SHANK2: variants seen among roughly 807,000 people sequenced by gnomAD.
SHANK2 encodes the protein SH3 and multiple ankyrin repeat domains protein 2.
In SHANK2, 43 loss-of-function variants were observed where a neutral mutation model predicts 133.7. The observed-to-expected ratio is 0.32, with a 90% confidence interval of 0.25 to 0.41. The LOEUF is 0.41. Ranked by LOEUF, SHANK2 falls within the 10% of genes least tolerant of loss-of-function variation. The pLI is 1.00. For missense variants in SHANK2, 1,994 were observed against 2,235.8 expected, an observed-to-expected ratio of 0.89 and a Z score of 2.18; for synonymous variants, 1,017 against 952.8, an observed-to-expected ratio of 1.07 and a Z score of -1.24.
At chr11:70,865,256 CTCTAAGGAGAGACTCAACT>C (rs1240386574) in intron 11 of SHANK2, 1 of 152,150 alleles carries the variant, frequency 6.6e-6, no homozygotes, top group Non-Finnish European at 1.5e-5. Context: ...CCACCACAGG[CTCTAAGGAGAGACTCAACT>C]TCTAGGGTCT....
intron 13 of SHANK2, among the ~76,000 whole-genome samples, chr11:70,806,433 G>A (rs188621779): frequency 1.1e-3 from 167 of 152,288 alleles, no homozygotes; most frequent in African/African-American, 3.9e-3. Context: ...ACTTCCCCCT[G>A]GGCAGAAACC....
intron 17 of SHANK2, among the ~76,000 whole-genome samples, chr11:70,632,545 C>T (rs2061008441): frequency 6.6e-6 from 1 of 152,102 alleles, no homozygotes; most frequent in African/African-American, 2.4e-5. Context: ...TGATAACAAT[C>T]CAAATTGTGA....
intron 14 of SHANK2, among the ~76,000 whole-genome samples, chr11:70,707,123 G>C (rs1412818890): frequency 2.0e-5 from 3 of 152,092 alleles, no homozygotes; most frequent in Non-Finnish European, 4.4e-5. Flanking sequence ...TGTAATCCTA[G>C]TACTTTGGGA....
chr11:70,713,662 T>TGTCACAGCGCCGGGTGTCC (rs1456349602), intron 14 of SHANK2, among the ~76,000 whole-genome samples: 4 of 152,148 alleles, frequency 2.6e-5, no homozygotes, highest in Admixed American at 1.3e-4. Context: ...GCGGCAGAGC[T>TGTCACAGCGCCGGGTGTCC]GTCACAGCGC....
Position 70,583,097 on chromosome 11 carries a change from GC to G in SHANK2, c.2061+76730del, listed in dbSNP as rs1554985863. ...TGGGGGAGAATCTGCATGGTGCCTG[GC>G]CCTGGGGCAGGGGCACTGGGCTGTG... On this transcript the variant is annotated intron_variant, in intron 17 of 25. Transcript: ENST00000601538. 5.9e-5 allele frequency among the ~76,000 whole-genome samples: 9 copies of G among 152,294 alleles called. 1 individual carries two copies. The highest frequency in any genetic ancestry group is 3.9e-4 in the Admixed American group (6 of 15,302).
rs2058899823 is a variant in SHANK2, at chr11:70,492,356, G to A, written c.2418C>T (p.Phe806=). 10 of 1,612,402 alleles carry A rather than the reference G, an allele frequency of 6.2e-6. No homozygotes were observed. The highest frequency in any genetic ancestry group is 8.5e-6 in the Non-Finnish European group (10 of 1,180,006). The change falls in exon 22 of 26, where the codon TTC becomes TTT. Residue 806 remains phenylalanine (F), a synonymous_variant. Transcript: ENST00000601538. ...TCACGTTCATGTCTGAGCCCGCCGGGAAGCACCGGCTGCTGGGCCGCTGCT... is the reference window on the plus strand; with the variant it reads ...TCACGTTCATGTCTGAGCCCGCCGGAAAGCACCGGCTGCTGGGCCGCTGCT... The part of the protein sequence containing the change: ...TIKQRPSSRC[F]PAGSDMNSVY...
chr11:70,836,972 G>GCTGT (rs1948828513), intron 11 of SHANK2, among the ~76,000 whole-genome samples: 1 of 152,150 alleles, frequency 6.6e-6, no homozygotes, highest in Admixed American at 6.5e-5. Context: ...AGAGTTGGTC[G>GCTGT]CTGTCTGTCT....
chr11:70,494,689 G>A (rs1428982047), intron 21 of SHANK2, among the ~76,000 whole-genome samples: 1 of 152,200 alleles, frequency 6.6e-6, no homozygotes, highest in Admixed American at 6.5e-5. Flanking sequence ...ACTTACCATG[G>A]GGCCCTTCAG....
At chr11:70,775,217 A>G (rs1555043666) in intron 14 of SHANK2, among the ~76,000 whole-genome samples, 1 of 152,144 alleles carries the variant, frequency 6.6e-6, no homozygotes, top group African/African-American at 2.4e-5. Context: ...CAGCATTTTG[A>G]GAGGCCGAGG....
At chr11:70,931,721 A>G (rs1295701249) in intron 10 of SHANK2, among the ~76,000 whole-genome samples, 1 of 152,244 alleles carries the variant, frequency 6.6e-6, no homozygotes, top group African/African-American at 2.4e-5. Context: ...AGTGGCACAC[A>G]GGGCAACAGC....
intron 6 of SHANK2, among the ~76,000 whole-genome samples, 169 bp from the exon 7 acceptor site, chr11:71,094,857 G>A (rs1463761587): frequency 6.6e-6 from 1 of 152,240 alleles, no homozygotes; most frequent in Admixed American, 6.5e-5. Flanking sequence ...CGGGCAGCGT[G>A]GCTCAGGCAC....
rs1555113428 is a variant in SHANK2 at position 71,178,970 on chromosome 11, GAGACTTCGT to G, written c.-12-31641_-12-31633del. On this transcript the variant is annotated intron_variant, in intron 2 of 25. Transcript: ENST00000601538. ...TGCACTCCAGCCTGGGTGACAGAAT[GAGACTTCGT>G]CTGAAGTGAATGAATGAATGAATAA... 7.6e-3 allele frequency among the ~76,000 whole-genome samples: 1,155 copies of G among 152,294 alleles called. 16 individuals carry two copies. Among genetic ancestry groups the G allele is most frequent in the African/African-American group, 0.026 (1,101 of 41,558 alleles).
chr11:71,164,645 G>C (rs782153151), intron 2 of SHANK2, among the ~76,000 whole-genome samples: 6 of 152,212 alleles, frequency 3.9e-5, no homozygotes, highest in Admixed American at 2.0e-4. Context: ...TCTATGGAGC[G>C]ATGAAATGTC....
rs1490708862 is a variant in SHANK2, at chr11:70,520,053, T to C, written c.2062-17122A>G. On this transcript the variant is annotated intron_variant, in intron 17 of 25. Coordinates refer to ENST00000601538, the MANE Select transcript of SHANK2 (RefSeq NM_012309.5). ...GTAAGCCACCACGCCTGGTCTAGTC[T>C]TTGTTTTTAAACAAATCTTTTATTT... Among the ~76,000 whole-genome samples, 3 of 152,148 alleles carry C rather than the reference T, an allele frequency of 2.0e-5. No individual in the cohort carries two copies. The South Asian group carries it at 6.2e-4, about 32-fold the overall frequency.
At chr11:71,088,801 C>T (rs1198024997) in intron 8 of SHANK2, among the ~76,000 whole-genome samples, 1 of 148,944 alleles carries the variant, frequency 6.7e-6, no homozygotes, top group Non-Finnish European at 1.5e-5. Flanking sequence ...TGCACCACCC[C>T]ACCAGGGGCT....
At chr11:70,595,467 C>G (rs2060386867) in intron 17 of SHANK2, among the ~76,000 whole-genome samples, 1 of 152,236 alleles carries the variant, frequency 6.6e-6, no homozygotes, top group Non-Finnish European at 1.5e-5. Context: ...CTATGAGGCT[C>G]ACCCAGCTTG....
chr11:70,846,778 A>G (rs1949003515), intron 11 of SHANK2, among the ~76,000 whole-genome samples: 1 of 152,198 alleles, frequency 6.6e-6, no homozygotes, highest in Admixed American at 6.5e-5. Flanking sequence ...GTTCCAATGT[A>G]AAGCACCACA....
chr11:71,193,727 C>G (rs918499179), intron 2 of SHANK2, among the ~76,000 whole-genome samples: 2 of 152,176 alleles, frequency 1.3e-5, no homozygotes, highest in Non-Finnish European at 2.9e-5. Context: ...CACAGAGACA[C>G]GCTGTCCCAC....
At chr11:70,829,007 G>A (rs1030121914) in intron 11 of SHANK2, among the ~76,000 whole-genome samples, 1 of 152,210 alleles carries the variant, frequency 6.6e-6, no homozygotes, top group African/African-American at 2.4e-5. Context: ...GGGCTGGTGA[G>A]GCCAGGATGG....
Sources: allele counts gnomAD v4.1 joint callset (sites outside exome capture counted in the v4.1 genomes callset), GRCh38; gene constraint gnomAD v4.1.1; transcripts MANE v1.5; gene names NCBI Gene and HGNC (gene_info 2026-07-23, HGNC 2026-07-21).